GALNT18: variants seen among roughly 807,000 people sequenced by gnomAD.
GALNT18 encodes GalNAc-transferase 18.
In GALNT18, 44 loss-of-function variants were observed where a neutral mutation model predicts 69.5. The ratio of observed to expected loss-of-function variants is 0.63; its 90% CI spans 0.50 to 0.81. GALNT18 has a LOEUF of 0.81. Ranked by LOEUF, GALNT18 falls within the 40% of genes least tolerant of loss-of-function variation. The probability of loss-of-function intolerance (pLI) is 0.00; values close to 1 mark genes in which losing one functional copy is unlikely to be tolerated. For missense variants in GALNT18, 715 were observed against 810.0 expected, an observed-to-expected ratio of 0.88 and a Z score of 1.42; for synonymous variants, 364 against 318.2, an observed-to-expected ratio of 1.14 and a Z score of -1.53.
intron 1 of GALNT18, among the ~76,000 whole-genome samples, chr11:11,599,568 T>C (rs1040188676): frequency 6.6e-6 from 1 of 152,066 alleles, no homozygotes; most frequent in Non-Finnish European, 1.5e-5. Flanking sequence ...CTCAACATTC[T>C]AATTGGATCA....
At position 11,591,654 on chromosome 11, in the gene GALNT18, C is replaced by A. The variant is rs1291028632; in HGVS notation, c.235+29705G>T. ...AACAACTTTATGGAAATGCTCCCTCCTGGGTGAATGTATGTGGTTAAAGGA... is the reference window on the plus strand; with the variant it reads ...AACAACTTTATGGAAATGCTCCCTCATGGGTGAATGTATGTGGTTAAAGGA... On this transcript the variant is annotated intron_variant, in intron 1 of 10. Transcript: ENST00000227756. The surrounding 1 kb of genome is among the most constrained non-coding windows in gnomAD (Gnocchi z 4.8). Among the ~76,000 whole-genome samples, 2 of 152,168 alleles carry A rather than the reference C, an allele frequency of 1.3e-5. No homozygotes were observed. Among genetic ancestry groups the A allele is most frequent in the Non-Finnish European group, 2.9e-5 (2 of 68,024 alleles).
chr11:11,570,669 G>C (rs558542712), intron 1 of GALNT18, among the ~76,000 whole-genome samples: 10 of 152,132 alleles, frequency 6.6e-5, no homozygotes, highest in Non-Finnish European at 1.2e-4. Context: ...TCTCTCACAC[G>C]CTCCATTTTT....
chr11:11,271,717 G>T (rs1004349678), intron 10 of GALNT18, among the ~76,000 whole-genome samples: 8 of 149,620 alleles, frequency 5.3e-5, no homozygotes, highest in African/African-American at 1.5e-4. Context: ...CATGCCCCCA[G>T]TTGGACCTCT....
At position 11,341,882 on chromosome 11, in the gene GALNT18, G is replaced by A. The variant is rs774844414; in HGVS notation, c.1093-878C>T. ...CACACCTGTAATCTCAGCACTTTGGGAGGCTAAGGTGGGAGAATCGCTTGA... is the reference window on the plus strand; with the variant it reads ...CACACCTGTAATCTCAGCACTTTGGAAGGCTAAGGTGGGAGAATCGCTTGA... On this transcript the variant is annotated intron_variant, in intron 6 of 10. Coordinates refer to ENST00000227756, the MANE Select transcript of GALNT18 (RefSeq NM_198516.3). The surrounding 1 kb of genome is among the most constrained non-coding windows in gnomAD (Gnocchi z 6.3). Among the ~76,000 whole-genome samples, 5 of 152,166 alleles carry A rather than the reference G, an allele frequency of 3.3e-5. No homozygotes were observed. Among genetic ancestry groups the A allele is most frequent in the Non-Finnish European group, 7.3e-5 (5 of 68,030 alleles).
chr11:11,279,899 T>C (rs1239925017), intron 10 of GALNT18, among the ~76,000 whole-genome samples: 3 of 151,726 alleles, frequency 2.0e-5, no homozygotes, highest in African/African-American at 4.9e-5. Flanking sequence ...TGTTCTTCAA[T>C]TGAAAAATTG....
chr11:11,544,418 T>A (rs1452193898), intron 1 of GALNT18, among the ~76,000 whole-genome samples: 6 of 152,222 alleles, frequency 3.9e-5, no homozygotes, highest in African/African-American at 1.4e-4. Flanking sequence ...GTGCATTAAG[T>A]CATATAATTT....
chr11:11,290,178 C>T (rs898169962), intron 10 of GALNT18, among the ~76,000 whole-genome samples: 1 of 152,272 alleles, frequency 6.6e-6, no homozygotes, highest in African/African-American at 2.4e-5. Flanking sequence ...AAGCTGAGTC[C>T]CTAGGATTGG....
chr11:11,274,261 A>G (rs1414738969), intron 10 of GALNT18, among the ~76,000 whole-genome samples: 3 of 152,222 alleles, frequency 2.0e-5, no homozygotes, highest in African/African-American at 2.4e-5. Context: ...CTGTTTGGGC[A>G]GACACTGAGC....
In GALNT18 at chr11:11,583,089, G is replaced by T. The variant is rs1377420659; in HGVS notation, c.235+38270C>A. Reference sequence around the variant, plus strand: ...GTGCTCTTCCATAAAAACCAGGAGGGCCAGCAAAGCCTGGTGCTTTCCAGC... The same window carrying T: ...GTGCTCTTCCATAAAAACCAGGAGGTCCAGCAAAGCCTGGTGCTTTCCAGC... On this transcript the variant is annotated intron_variant, in intron 1 of 10. Coordinates refer to ENST00000227756, the MANE Select transcript of GALNT18 (RefSeq NM_198516.3). The surrounding 1 kb of genome is among the most constrained non-coding windows in gnomAD (Gnocchi z 4.7). Among the ~76,000 whole-genome samples, 1 of 152,192 alleles carries T rather than the reference G, an allele frequency of 6.6e-6. No homozygotes were observed. Among genetic ancestry groups the T allele is most frequent in the African/African-American group, 2.4e-5 (1 of 41,436 alleles).
At chr11:11,554,619 T>C (rs1481224936) in intron 1 of GALNT18, among the ~76,000 whole-genome samples, 1 of 152,198 alleles carries the variant, frequency 6.6e-6, no homozygotes, top group East Asian at 1.9e-4. Flanking sequence ...TCATTCCTGA[T>C]ACAGATTTTC....
At chr11:11,379,966 G>A (rs1410599469) in intron 3 of GALNT18, among the ~76,000 whole-genome samples, 5 of 152,232 alleles carry the variant, frequency 3.3e-5, no homozygotes, top group African/African-American at 9.6e-5. Context: ...CACAGCCACT[G>A]CATTCATTAC....
In GALNT18 at chr11:11,620,872, G is replaced by T. The variant is rs1327887548; in HGVS notation, c.235+487C>A. 1.3e-5 allele frequency among the ~76,000 whole-genome samples: 2 copies of T among 152,204 alleles called. No individual in the cohort carries two copies. The highest frequency in any genetic ancestry group is 4.8e-5 in the African/African-American group (2 of 41,454). ...CAACGCAATTTTCCTAGCCTCGCTT[G>T]TCCGGCAGCCTGCGGGTCTTAACTG... On this transcript the variant is annotated intron_variant, in intron 1 of 10. Transcript: ENST00000227756. This position sits in a 1 kb window ranked among gnomAD's most constrained non-coding sequence, Gnocchi z 6.9.
At position 11,341,691 on chromosome 11, in the gene GALNT18, T is replaced by C. The variant is rs1302660510; in HGVS notation, c.1093-687A>G. On this transcript the variant is annotated intron_variant, in intron 6 of 10. Transcript: ENST00000227756. The surrounding 1 kb of genome is among the most constrained non-coding windows in gnomAD (Gnocchi z 6.3). ...GCATCTCAAAGCTCTCGCTACAATC[T>C]TTCCAGCCATCCTGACCTTTCAATG... 6.6e-6 allele frequency among the ~76,000 whole-genome samples: 1 copy of C among 152,238 alleles called. No homozygotes were observed. The highest frequency in any genetic ancestry group is 2.4e-5 in the African/African-American group (1 of 41,472).
At chr11:11,367,125 G>A (rs1850790676) in intron 6 of GALNT18, among the ~76,000 whole-genome samples, 1 of 152,150 alleles carries the variant, frequency 6.6e-6, no homozygotes, top group Admixed American at 6.5e-5. Flanking sequence ...ACAGGGAGAG[G>A]GACAGAATCA....
chr11:11,442,248 T>TA (rs1855545652), intron 2 of GALNT18, among the ~76,000 whole-genome samples: 1 of 152,176 alleles, frequency 6.6e-6, no homozygotes. Context: ...GTTGATCTTT[T>TA]GCCTCCCTCT....
rs1860113030 is a variant in GALNT18 at position 11,618,499 on chromosome 11, T to C, written c.235+2860A>G. On this transcript the variant is annotated intron_variant, in intron 1 of 10. Transcript: ENST00000227756. The surrounding 1 kb of genome is among the most constrained non-coding windows in gnomAD (Gnocchi z 6.1). ...GTTTCCAAGTGGGAAGGCTGCTGAC[T>C]CCCTCACCCCTCAGCCATCCTCTGA... is the stretch of plus-strand genomic sequence containing the variant. Among the ~76,000 whole-genome samples, 1 of 152,178 alleles carries C rather than the reference T, an allele frequency of 6.6e-6. No individual in the cohort carries two copies. The highest frequency in any genetic ancestry group is 2.4e-5 in the African/African-American group (1 of 41,438).
At position 11,606,956 on chromosome 11, in the gene GALNT18, GAGAGCCTTCAGACA is replaced by G. The variant is rs1227803157; in HGVS notation, c.235+14389_235+14402del. Reference sequence around the variant, plus strand: ...CTCTAACATGGTCTGATTTTAACTAGAGAGCCTTCAGACAAGAGCCTTCACCAGTGGGATATGAT... The same window carrying G: ...CTCTAACATGGTCTGATTTTAACTAGAGAGCCTTCACCAGTGGGATATGAT... On this transcript the variant is annotated intron_variant, in intron 1 of 10. Transcript: ENST00000227756. The surrounding 1 kb of genome is among the most constrained non-coding windows in gnomAD (Gnocchi z 5.4). Among the ~76,000 whole-genome samples the G allele has an allele frequency of 1.3e-5, 2 of 152,186 alleles. No homozygotes were observed. The highest frequency in any genetic ancestry group is 4.8e-5 in the African/African-American group (2 of 41,450).
chr11:11,498,425 T>C (rs1424980440), intron 1 of GALNT18, among the ~76,000 whole-genome samples: 2 of 152,232 alleles, frequency 1.3e-5, no homozygotes, highest in African/African-American at 4.8e-5. Flanking sequence ...ATGCCAGCTA[T>C]GAATGCCCAG....
chr11:11,462,017 C>G (rs561098150), intron 1 of GALNT18, among the ~76,000 whole-genome samples: 10 of 152,178 alleles, frequency 6.6e-5, no homozygotes, highest in Admixed American at 6.5e-5. Context: ...TAAAGGGAAG[C>G]GGGGTGCTGT....
Sources: allele counts gnomAD v4.1 joint callset (sites outside exome capture counted in the v4.1 genomes callset), GRCh38; gene constraint gnomAD v4.1.1; non-coding constraint Gnocchi (gnomAD v3.1); transcripts MANE v1.5; gene names NCBI Gene and HGNC (gene_info 2026-07-23, HGNC 2026-07-21).